HSPG2: variants seen among roughly 807,000 people sequenced by gnomAD.
HSPG2 encodes the protein basement membrane-specific heparan sulfate proteoglycan core protein.
HSPG2 carries 278 observed loss-of-function variants against 526.6 expected under a neutral mutation model. The ratio of observed to expected loss-of-function variants is 0.53; its 90% CI spans 0.48 to 0.58. HSPG2 has a LOEUF of 0.58. Ranked by LOEUF, HSPG2 falls within the 20% of genes least tolerant of loss-of-function variation. The pLI, the probability that HSPG2 is intolerant of heterozygous loss-of-function variation, is 0.00. For missense variants in HSPG2, 5,354 were observed against 6,099.5 expected, an observed-to-expected ratio of 0.88 and a Z score of 4.07; for synonymous variants, 2,465 against 2,555.4, an observed-to-expected ratio of 0.96 and a Z score of 1.07.
Position 21,834,938 on chromosome 1 carries a change from G to A in HSPG2, c.10461C>T (p.Pro3487=), listed in dbSNP as rs1320179645. 8 of 1,611,902 alleles carry A rather than the reference G, an allele frequency of 5.0e-6. No homozygotes were observed. The highest frequency in any genetic ancestry group is 5.9e-6 in the Non-Finnish European group (7 of 1,180,016). ...ASAQLVIQAL[P]SVLINIRTSV... ...AGGTCCGGATGTTGATGAGCACCGA[G>A]GGCAGGGCTGGGGAGGAGGGAGGCA... The change falls in exon 77 of 97, where the codon CCC becomes CCT. Residue 3487 remains proline, a synonymous_variant. Coordinates refer to ENST00000374695, the MANE Select transcript of HSPG2 (RefSeq NM_005529.7).
At chr1:21,926,787 A>AAAAG (rs1644206774) in intron 1 of HSPG2, among the ~76,000 whole-genome samples, 2 of 91,886 alleles carry the variant, frequency 2.2e-5, no homozygotes, top group African/African-American at 6.6e-5. Context: ...AAAAAAAAAA[A>AAAAG]AGAGAGAAAG....
intron 1 of HSPG2, among the ~76,000 whole-genome samples, chr1:21,935,186 T>C (rs1353726344): frequency 1.3e-5 from 2 of 152,208 alleles, no homozygotes; most frequent in Non-Finnish European, 2.9e-5. Context: ...ATTACAGGCA[T>C]GAGCCACCGC....
At chr1:21,871,258 G>GTTTTTTTT (rs5772965) in intron 33 of HSPG2, among the ~76,000 whole-genome samples, 3 of 114,700 alleles carry the variant, frequency 2.6e-5, no homozygotes, top group Non-Finnish European at 5.0e-5. Context: ...CAGAGTATTT[G>GTTTTTTTT]TTTTTTTTTT....
chr1:21,865,943 C>T lies in HSPG2; in HGVS notation c.4222-134G>A. On this transcript the variant is annotated intron_variant, in intron 33 of 96. Coordinates refer to ENST00000374695, the MANE Select transcript of HSPG2 (RefSeq NM_005529.7). The surrounding 1 kb of genome is among the most constrained non-coding windows in gnomAD (Gnocchi z 5.4). ...TCCCCCACCCCCCTCCCTGCCCAAA[C>T]CAAGAGGCCAGGGTGCATGGTTGCC... 1.4e-6 allele frequency: 1 copy of T among 703,414 alleles called. No individual in the cohort carries two copies. Among genetic ancestry groups the T allele is most frequent in the South Asian group, 1.5e-5 (1 of 67,572 alleles). 43.6% of individuals were successfully genotyped at this position (703,414 alleles called of 1,614,324 possible). A position where few individuals can be genotyped will look rare whatever the true frequency, so the allele number is the denominator to read the frequency against.
intron 85 of HSPG2, chr1:21,830,533 C>A: frequency 7.4e-6 from 2 of 269,738 alleles, no homozygotes; most frequent in African/African-American, 2.2e-5. Context: ...ACTAAAAATG[C>A]AAAAAATTTA....
rs369299441 is a variant in HSPG2 at position 21,865,099 on chromosome 1, G to A, written c.4396-26C>T. 98 of 1,551,102 alleles carry A rather than the reference G, an allele frequency of 6.3e-5. No homozygotes were observed. The African/African-American group carries it at 9.0e-4, about 14-fold the overall frequency. ...CTGGGTTGGGGGTGGCAACGTGGGC[G>A]GGGGCAGTGGGCTTTGTGGGCTGCT... On this transcript the variant is annotated intron_variant, in intron 35 of 96. Transcript: ENST00000374695. This position sits in a 1 kb window ranked among gnomAD's most constrained non-coding sequence, Gnocchi z 5.4.
chr1:21,862,147 AT>A, intron 37 of HSPG2, 32 bp from the exon 38 acceptor site: 1 of 1,608,388 alleles, frequency 6.2e-7, no homozygotes. Context: ...GGCACCAGCC[AT>A]TAGGCCAAAT....
intron 37 of HSPG2, among the ~76,000 whole-genome samples, chr1:21,862,350 G>A (rs1465305176): frequency 6.6e-6 from 1 of 152,128 alleles, no homozygotes; most frequent in Non-Finnish European, 1.5e-5. Flanking sequence ...CTGGGAGGCC[G>A]AGGCGGGTGG....
Position 21,875,215 on chromosome 1 carries a change from G to A in HSPG2, c.3303-213C>T, listed in dbSNP as rs1248270401. 17 of 624,054 alleles carry A rather than the reference G, an allele frequency of 2.7e-5. No individual in the cohort carries two copies. In the South Asian group the frequency reaches 2.8e-4, roughly 10 times the overall value. 38.7% of individuals were successfully genotyped at this position (624,054 alleles called of 1,614,324 possible). On this transcript the variant is annotated intron_variant, in intron 25 of 96. Coordinates refer to ENST00000374695, the MANE Select transcript of HSPG2 (RefSeq NM_005529.7). The stretch of plus-strand genomic sequence containing the variant: ...CCATCACCCTTCCTCACCTGGAGAG[G>A]TTATACCACCTCGTTCCCCTGGGGT...
intron 17 of HSPG2, 124 bp downstream of exon 17, chr1:21,879,983 G>T: frequency 8.6e-7 from 1 of 1,163,354 alleles, no homozygotes; most frequent in East Asian, 2.4e-5. Context: ...CAGAGGTCAT[G>T]ATAGTTCATC....
chr1:21,863,060 C>CAAAAACAAAAAAAAAAAAAA (rs1423127350), intron 37 of HSPG2, among the ~76,000 whole-genome samples: 4 of 31,232 alleles, frequency 1.3e-4, no homozygotes, highest in African/African-American at 3.0e-4. Context: ...GACTCCATCT[C>CAAAAACAAAAAAAAAAAAAA]AAAAAAAAAA....
At position 21,842,895 on chromosome 1, in the gene HSPG2, T is replaced by C. The variant is rs2098055158; in HGVS notation, c.8785A>G (p.Ile2929Val). ...GTCACGTGTGAAGAGGAGGCCTCGA[T>C]GTAGATGGGCTGGGCCAGTCCTGGA... is the stretch of plus-strand genomic sequence containing the variant. The part of the protein sequence containing the change: ...PAPGLAQPIY[I>V]EASSSHVTEG... The change falls in exon 67 of 97, where the codon ATC becomes GTC. Residue 2929 changes from isoleucine (I) to valine (V), a missense_variant. Coordinates refer to ENST00000374695, the MANE Select transcript of HSPG2 (RefSeq NM_005529.7). 2 of 1,613,858 alleles carry C rather than the reference T, an allele frequency of 1.2e-6. No individual in the cohort carries two copies. The highest frequency in any genetic ancestry group is 1.1e-5 in the South Asian group (1 of 91,072).
rs770062110 is a variant in HSPG2 at position 21,854,927 on chromosome 1, A to G, written c.6054T>C (p.Ala2018=). The change falls in exon 48 of 97, where the codon GCT becomes GCC. Residue 2018 remains alanine, a synonymous_variant. Coordinates refer to ENST00000374695, the MANE Select transcript of HSPG2 (RefSeq NM_005529.7). The stretch of plus-strand genomic sequence containing the variant: ...CCACGCAGAGGTAGAAGCCGGCGTC[A>G]GCAGTCGTGATGGCTGGGATGAGCA... The part of the protein sequence containing the change: ...ATLLIPAITT[A]DAGFYLCVAT... 3 of 1,614,126 alleles carry G rather than the reference A, an allele frequency of 1.9e-6. No individual in the cohort carries two copies. The highest frequency in any genetic ancestry group is 2.2e-5 in the South Asian group (2 of 91,086).
At chr1:21,851,428 T>G in intron 55 of HSPG2, 118 bp downstream of exon 55, 1 of 1,428,164 alleles carries the variant, frequency 7.0e-7, no homozygotes, top group Non-Finnish European at 9.8e-7. Context: ...ACTATACATC[T>G]GTGCAATGGG....
rs529950403 is a variant in HSPG2, at chr1:21,836,937, T to C, written c.10220A>G (p.Gln3407Arg). 2.0e-5 allele frequency: 31 copies of C among 1,557,434 alleles called. No individual in the cohort carries two copies. The Admixed American group carries it at 6.0e-4, about 30-fold the overall frequency. The change falls in exon 75 of 97, where the codon CAG becomes CGG. Residue 3407 changes from glutamine (Q) to arginine (R), a missense_variant. Transcript: ENST00000374695. Reference protein sequence around the residue: ...GSTPTVQVTPQLETKSIGASV... With the variant: ...GSTPTVQVTPRLETKSIGASV... ...GGCCCCAATGCTCTTGGTCTCTAGC[T>C]GAGGCGTGACCTGCACGGTGGGCGT...
At position 21,848,266 on chromosome 1, in the gene HSPG2, T is replaced by C. The variant is rs1638609692; in HGVS notation, c.7738-173A>G. Among the ~76,000 whole-genome samples, 1 of 152,036 alleles carries C rather than the reference T, an allele frequency of 6.6e-6. No individual in the cohort carries two copies. Among genetic ancestry groups the C allele is most frequent in the Non-Finnish European group, 1.5e-5 (1 of 68,004 alleles). ...GCCTGTCTCTGGGCTGGGGTGGACGTCTAGCCTTTTGTCACCCCTCCAGAA... is the reference window on the plus strand; with the variant it reads ...GCCTGTCTCTGGGCTGGGGTGGACGCCTAGCCTTTTGTCACCCCTCCAGAA... On this transcript the variant is annotated intron_variant, in intron 59 of 96. Transcript: ENST00000374695. The surrounding 1 kb of genome is among the most constrained non-coding windows in gnomAD (Gnocchi z 4.9).
At position 21,887,105 on chromosome 1, in the gene HSPG2, G is replaced by A. The variant is rs940322188; in HGVS notation, c.1078+110C>T. ...ACAAACAGGCTTGGGGGACTGGGGA[G>A]GGGGGAAAGCGGAGGGGCAGGGTAG... On this transcript the variant is annotated intron_variant, in intron 9 of 96. Coordinates refer to ENST00000374695, the MANE Select transcript of HSPG2 (RefSeq NM_005529.7). The surrounding 1 kb of genome is among the most constrained non-coding windows in gnomAD (Gnocchi z 5.0). 8.2e-6 allele frequency: 9 copies of A among 1,103,858 alleles called. No individual in the cohort carries two copies. Among genetic ancestry groups the A allele is most frequent in the Middle Eastern group, 3.0e-4 (1 of 3,290 alleles). 68.4% of individuals were successfully genotyped at this position (1,103,858 alleles called of 1,614,324 possible).
intron 1 of HSPG2, among the ~76,000 whole-genome samples, chr1:21,936,205 C>T (rs1644484724): frequency 1.3e-5 from 2 of 152,166 alleles, no homozygotes; most frequent in East Asian, 3.9e-4. Context: ...TCCCTGCCCA[C>T]CGACCCCACC....
At chr1:21,846,020 A>G (rs1638402804) in intron 64 of HSPG2, 88 bp downstream of exon 64, 2 of 1,493,144 alleles carry the variant, frequency 1.3e-6, no homozygotes, top group Non-Finnish European at 1.9e-6. Context: ...CGAGTGCCAG[A>G]AAGTGTTTCC....
Sources: allele counts gnomAD v4.1 joint callset (sites outside exome capture counted in the v4.1 genomes callset), GRCh38; gene constraint gnomAD v4.1.1; non-coding constraint Gnocchi (gnomAD v3.1); transcripts MANE v1.5; gene names NCBI Gene and HGNC (gene_info 2026-07-23, HGNC 2026-07-21).